KDM5B: variants seen among roughly 807,000 people sequenced by gnomAD.
KDM5B encodes lysine-specific demethylase 5B.
KDM5B carries 144 observed loss-of-function variants against 193.4 expected under a neutral mutation model. The ratio of observed to expected loss-of-function variants is 0.74; its 90% CI spans 0.65 to 0.86. The LOEUF (loss-of-function observed/expected upper bound fraction) is 0.86. KDM5B is among the 40% of genes least tolerant of loss of function. KDM5B has a pLI of 0.00. For missense variants in KDM5B, 1,833 were observed against 1,886.9 expected (o/e 0.97, Z 0.53); for synonymous variants, 668 against 682.6 (o/e 0.98, Z 0.33).
chr1:202,742,326 AAT>A (rs773541188), intron 18 of KDM5B, 63 bp downstream of exon 18: 60 of 1,100,556 alleles, frequency 5.5e-5, no homozygotes, highest in Non-Finnish European at 7.0e-5. Context: ...TAGTAATATC[AAT>A]AGAGTTTATA....
intron 21 of KDM5B, 89 bp from the exon 22 acceptor site, chr1:202,735,676 A>T (rs1655064759): frequency 8.2e-7 from 1 of 1,219,316 alleles, no homozygotes. Flanking sequence ...CTAAGCAGTA[A>T]AAAGGATGTG....
chr1:202,741,681 C>A lies in KDM5B; in HGVS notation c.2631G>T (p.Gln877His). The A allele has an allele frequency of 6.2e-7, 1 of 1,613,258 alleles. No homozygotes were observed. Among genetic ancestry groups the A allele is most frequent in the South Asian group, 1.1e-5 (1 of 91,076 alleles). ...NRVEDFQQHS[Q>H]KLLSEETPSA... ...TAGGCGTTTCCTCAGAGAGTAGTTT[C>A]TGACTATGCTGTTGAAAATCTTCTA... The change falls in exon 19 of 27, where the codon CAG becomes CAT. Residue 877 changes from glutamine to histidine, a missense_variant. Coordinates refer to ENST00000367265, the MANE Select transcript of KDM5B (RefSeq NM_006618.5).
chr1:202,745,389 A>G (rs998468272), intron 16 of KDM5B, among the ~76,000 whole-genome samples: 1 of 152,332 alleles, frequency 6.6e-6, no homozygotes, highest in African/African-American at 2.4e-5. Context: ...TATAAAGGGT[A>G]GCAGTGACTT....
At chr1:202,778,040 T>A (rs1486236498) in intron 1 of KDM5B, among the ~76,000 whole-genome samples, 3 of 151,812 alleles carry the variant, frequency 2.0e-5, no homozygotes, top group Non-Finnish European at 2.9e-5. Flanking sequence ...CCAGATGGGG[T>A]GGCAGGCGCC....
At chr1:202,739,744 A>C (rs1266992233) in intron 20 of KDM5B, among the ~76,000 whole-genome samples, 1 of 152,180 alleles carries the variant, frequency 6.6e-6, no homozygotes, top group Non-Finnish European at 1.5e-5. Flanking sequence ...TAATCCATTT[A>C]ACCCTGAGTG....
At chr1:202,786,166 A>AT (rs548678700) in intron 1 of KDM5B, among the ~76,000 whole-genome samples, 59,400 of 106,860 alleles carry the variant, frequency 0.56, 17,175 homozygotes, top group East Asian at 0.62. Flanking sequence ...TGACCAGCTA[A>AT]TTTTTTTTTT....
chr1:202,733,370 C>T (rs368905580), intron 23 of KDM5B, 31 bp downstream of exon 23: 59 of 1,599,316 alleles, frequency 3.7e-5, no homozygotes, highest in Non-Finnish European at 5.0e-5. Context: ...TTGCAAATTC[C>T]AATAACCCAA....
chr1:202,785,589 A>ACTTAC (rs1553361087), intron 1 of KDM5B, among the ~76,000 whole-genome samples: 1 of 151,512 alleles, frequency 6.6e-6, no homozygotes, highest in Non-Finnish European at 1.5e-5. Context: ...CTCAGACAAC[A>ACTTAC]TTTACTTTAT....
At chr1:202,759,206 A>T (rs1270334975) in intron 8 of KDM5B, among the ~76,000 whole-genome samples, 3 of 152,200 alleles carry the variant, frequency 2.0e-5, no homozygotes, top group Admixed American at 2.0e-4. Context: ...TTCAACCCTA[A>T]GAAGGGTAAT....
At chr1:202,773,625 C>T (rs1202134361) in intron 3 of KDM5B, among the ~76,000 whole-genome samples, 2 of 152,078 alleles carry the variant, frequency 1.3e-5, no homozygotes, top group African/African-American at 2.4e-5. Flanking sequence ...TTATTCTGGG[C>T]TCTTAAATAA....
At chr1:202,755,198 C>T in intron 11 of KDM5B, 73 bp downstream of exon 11, 1 of 1,139,662 alleles carries the variant, frequency 8.8e-7, no homozygotes, top group Non-Finnish European at 1.3e-6. Flanking sequence ...AGTTAAGACA[C>T]ATCTGCACTG....
intron 5 of KDM5B, among the ~76,000 whole-genome samples, chr1:202,766,201 C>G (rs1005861098): frequency 1.3e-5 from 2 of 152,032 alleles, no homozygotes; most frequent in African/African-American, 4.8e-5. Flanking sequence ...GGTGAAAGAG[C>G]GAGACCACCT....
Position 202,740,664 on chromosome 1 carries a change from TA to T in KDM5B, c.3084+9del. The T allele has an allele frequency of 1.2e-6, 2 of 1,610,230 alleles. 1 individual carries two copies. The highest frequency in any genetic ancestry group is 2.2e-5 in the South Asian group (2 of 90,830). On this transcript the variant is annotated intron_variant, in intron 20 of 26. Coordinates refer to ENST00000367265, the MANE Select transcript of KDM5B (RefSeq NM_006618.5). ...ACTTACACATTCTGTATATACTTTT[TA>T]AAACCAACCTGCAGGCCCTCTACAT... is the stretch of plus-strand genomic sequence containing the variant.
chr1:202,741,792 A>G, intron 18 of KDM5B, 70 bp from the exon 19 acceptor site: 2 of 845,200 alleles, frequency 2.4e-6, no homozygotes, highest in Non-Finnish European at 1.9e-6. Flanking sequence ...CAAACTTAGA[A>G]TCTTAAATTC....
intron 19 of KDM5B, 26 bp from the exon 20 acceptor site, chr1:202,740,838 T>C (rs771208767): frequency 1.3e-6 from 2 of 1,580,398 alleles, no homozygotes; most frequent in South Asian, 1.1e-5. Flanking sequence ...AAAGACTTCT[T>C]AGCATTTTAT....
At chr1:202,729,325 T>C (rs906946349) in intron 26 of KDM5B, 152 bp from the exon 27 acceptor site, 2 of 785,578 alleles carry the variant, frequency 2.5e-6, no homozygotes, top group Non-Finnish European at 4.1e-6. Context: ...CAAATGAGTG[T>C]AGCTGGCCCC....
intron 14 of KDM5B, 109 bp downstream of exon 14, chr1:202,748,836 C>T: frequency 1.1e-6 from 1 of 889,252 alleles, no homozygotes; most frequent in South Asian, 1.8e-5. Context: ...ACAATGGCCT[C>T]AAAGAAAATA....
At chr1:202,776,993 A>C (rs759912153) in intron 2 of KDM5B, 24 bp downstream of exon 2, 29 of 1,516,950 alleles carry the variant, frequency 1.9e-5, no homozygotes, top group Non-Finnish European at 2.7e-5. Flanking sequence ...ATACAGGCAA[A>C]CAGAACAATA....
intron 4 of KDM5B, among the ~76,000 whole-genome samples, chr1:202,772,563 TAATC>T (rs1315689460): frequency 6.6e-6 from 1 of 152,164 alleles, no homozygotes; most frequent in African/African-American, 2.4e-5. Flanking sequence ...AAGTAGATAA[TAATC>T]AACTCCTCAG....
Sources: gnomAD v4.1 joint callset for allele counts (sites outside exome capture counted in the v4.1 genomes callset) on GRCh38, gnomAD v4.1.1 for gene constraint, MANE v1.5 for transcripts, NCBI Gene and HGNC (gene_info 2026-07-23, HGNC 2026-07-21) for gene names.